RILPL1: variants seen among roughly 807,000 people sequenced by gnomAD.
The protein encoded by RILPL1 is Rab interacting lysosomal protein like 1.
RILPL1 carries 33 observed loss-of-function variants against 50.3 expected under a neutral mutation model. The ratio of observed to expected loss-of-function variants is 0.66; its 90% CI spans 0.50 to 0.88. The LOEUF is 0.88. Ranked by LOEUF, RILPL1 falls within the 40% of genes least tolerant of loss-of-function variation. RILPL1 has a pLI of 0.00. For missense variants in RILPL1, 418 were observed against 542.5 expected, an observed-to-expected ratio of 0.77 and a Z score of 2.28; for synonymous variants, 205 against 228.6, an observed-to-expected ratio of 0.90 and a Z score of 0.93.
At chr12:123,504,327 C>G (rs763217484) in intron 2 of RILPL1, among the ~76,000 whole-genome samples, 2 of 152,114 alleles carry the variant, frequency 1.3e-5, no homozygotes, top group Non-Finnish European at 2.9e-5. Flanking sequence ...GACTTTCCCC[C>G]CCGGGTGCGC....
At chr12:123,531,332 A>G (rs1454653087) in intron 1 of RILPL1, among the ~76,000 whole-genome samples, 1 of 152,178 alleles carries the variant, frequency 6.6e-6, no homozygotes, top group African/African-American at 2.4e-5. Context: ...ATGTGACTTC[A>G]GACCTGGTGG....
intron 2 of RILPL1, among the ~76,000 whole-genome samples, chr12:123,502,770 C>A (rs1013758616): frequency 6.6e-6 from 1 of 152,230 alleles, no homozygotes; most frequent in Admixed American, 6.5e-5. Context: ...ATTGTGGTAT[C>A]CTAACACATC....
chr12:123,503,321 C>T (rs1212014950), intron 2 of RILPL1, among the ~76,000 whole-genome samples: 3 of 150,952 alleles, frequency 2.0e-5, no homozygotes, highest in African/African-American at 7.3e-5. Flanking sequence ...CTGCCTCAGC[C>T]TCCCAAGTAT....
chr12:123,521,652 CACATATATGTATATATAT>C (rs1885047047), intron 2 of RILPL1, among the ~76,000 whole-genome samples: 1 of 5,716 alleles, frequency 1.7e-4, no homozygotes. Flanking sequence ...TATATATATA[CACATATATGTATATATAT>C]AAATATATAT....
At chr12:123,518,103 G>T (rs938999224) in intron 2 of RILPL1, among the ~76,000 whole-genome samples, 4 of 152,146 alleles carry the variant, frequency 2.6e-5, no homozygotes, top group African/African-American at 9.7e-5. Flanking sequence ...GTTTAATGGG[G>T]ACAGTGTTTC....
chr12:123,523,595 G>A lies in RILPL1; in HGVS notation c.360C>T (p.Leu120=), dbSNP rs759216391. 1 of 1,613,990 alleles carries A rather than the reference G, an allele frequency of 6.2e-7. No homozygotes were observed. The highest frequency in any genetic ancestry group is 1.7e-5 in the Admixed American group (1 of 60,022). Reference sequence around the variant, plus strand: ...CCTCCTGCAGCTGGGCGATCTGGGAGAGGAGGTCCTGCGCCTCCCCTCGCC... The same window carrying A: ...CCTCCTGCAGCTGGGCGATCTGGGAAAGGAGGTCCTGCGCCTCCCCTCGCC... ...DVWRGEAQDL[L]SQIAQLQEEN... Residue 120 remains leucine, a synonymous_variant, in exon 2 of 7, where the codon CTC becomes CTT. Transcript: ENST00000376874.
intron 6 of RILPL1, among the ~76,000 whole-genome samples, chr12:123,476,784 T>C (rs1467327075): frequency 6.6e-6 from 1 of 152,210 alleles, no homozygotes; most frequent in Non-Finnish European, 1.5e-5. Flanking sequence ...TTGAAGCCCC[T>C]GAGTCTGCAG....
At chr12:123,531,286 T>A (rs7131874) in intron 1 of RILPL1, among the ~76,000 whole-genome samples, 4 of 152,132 alleles carry the variant, frequency 2.6e-5, no homozygotes, top group African/African-American at 2.4e-5. Flanking sequence ...AGCTGAACAC[T>A]TTCCAGAGGC....
chr12:123,473,035 C>T (rs901562949), intron 6 of RILPL1: 15 of 223,248 alleles, frequency 6.7e-5, no homozygotes, highest in African/African-American at 2.5e-4. Flanking sequence ...ACCCTAATGA[C>T]GCAGAGAAAG....
At chr12:123,496,404 C>T (rs1316390786) in intron 4 of RILPL1, among the ~76,000 whole-genome samples, 6 of 152,114 alleles carry the variant, frequency 3.9e-5, no homozygotes, top group Non-Finnish European at 8.8e-5. Context: ...AAGTAACTAC[C>T]AAATTCACAG....
rs192489585 is a variant in RILPL1 at position 123,498,268 on chromosome 12, C to T, written c.801+276G>A. Among the ~76,000 whole-genome samples, 75 of 151,884 alleles carry T rather than the reference C, an allele frequency of 4.9e-4. No homozygotes were observed. The highest frequency in any genetic ancestry group is 9.2e-4 in the Admixed American group (14 of 15,224). On this transcript the variant is annotated intron_variant, in intron 4 of 6. Coordinates refer to ENST00000376874, the MANE Select transcript of RILPL1 (RefSeq NM_178314.5). This position sits in a 1 kb window ranked among gnomAD's most constrained non-coding sequence, Gnocchi z 4.3. ...TCTGGCTCTGTTACCCAGGCTGCAGCGCAGTTGTGCAATCATGGCTCATTG... is the reference window on the plus strand; with the variant it reads ...TCTGGCTCTGTTACCCAGGCTGCAGTGCAGTTGTGCAATCATGGCTCATTG...
At chr12:123,488,247 C>T (rs1168013359) in intron 4 of RILPL1, among the ~76,000 whole-genome samples, 2 of 151,660 alleles carry the variant, frequency 1.3e-5, no homozygotes, top group South Asian at 2.1e-4. Context: ...CAGACCAGCC[C>T]GGGCAACATA....
In RILPL1 at chr12:123,498,177, G is replaced by C. The variant is rs1255819330; in HGVS notation, c.801+367C>G. ...CCCTCAGCTGTGTGTCCTCAGGCCA[G>C]TAGCTTGTTCTCTCTGAGCCTCTCG... is the stretch of plus-strand genomic sequence containing the variant. On this transcript the variant is annotated intron_variant, in intron 4 of 6. Coordinates refer to ENST00000376874, the MANE Select transcript of RILPL1 (RefSeq NM_178314.5). The surrounding 1 kb of genome is among the most constrained non-coding windows in gnomAD (Gnocchi z 4.3). Among the ~76,000 whole-genome samples, 1 of 152,070 alleles carries C rather than the reference G, an allele frequency of 6.6e-6. No homozygotes were observed. Among genetic ancestry groups the C allele is most frequent in the African/African-American group, 2.4e-5 (1 of 41,418 alleles).
intron 2 of RILPL1, chr12:123,513,609 G>C (rs1195788018): frequency 1.2e-5 from 2 of 163,958 alleles, no homozygotes; most frequent in Non-Finnish European, 2.7e-5. Context: ...TCGATGTGAA[G>C]TGCTCACAAC....
intron 4 of RILPL1, among the ~76,000 whole-genome samples, chr12:123,493,555 G>A (rs1882833785): frequency 6.6e-6 from 1 of 152,086 alleles, no homozygotes; most frequent in South Asian, 2.1e-4. Flanking sequence ...CAGGTGTGGA[G>A]GGGCAACCCA....
Position 123,491,967 on chromosome 12 carries a change from A to T in RILPL1, c.802-6162T>A, listed in dbSNP as rs995040991. On this transcript the variant is annotated intron_variant, in intron 4 of 6. Transcript: ENST00000376874. This position sits in a 1 kb window ranked among gnomAD's most constrained non-coding sequence, Gnocchi z 4.0. Reference sequence around the variant, plus strand: ...GGTTGTGGTGAGCCAAGATCGTGCCATTGCACTCCAGCCTGGGTGATGGAG... The same window carrying T: ...GGTTGTGGTGAGCCAAGATCGTGCCTTTGCACTCCAGCCTGGGTGATGGAG... Among the ~76,000 whole-genome samples, 3 of 152,014 alleles carry T rather than the reference A, an allele frequency of 2.0e-5. No homozygotes were observed. Among genetic ancestry groups the T allele is most frequent in the Non-Finnish European group, 4.4e-5 (3 of 68,020 alleles).
chr12:123,478,691 C>T (rs575447957), intron 6 of RILPL1, among the ~76,000 whole-genome samples: 1 of 152,330 alleles, frequency 6.6e-6, no homozygotes, highest in African/African-American at 2.4e-5. Context: ...GGCCAGTTCT[C>T]ATCCCCTGCT....
At position 123,500,965 on chromosome 12, in the gene RILPL1, G is replaced by A. The variant is rs1417614665; in HGVS notation, c.461-1429C>T. Among the ~76,000 whole-genome samples, 11 of 151,820 alleles carry A rather than the reference G, an allele frequency of 7.2e-5. No homozygotes were observed. The East Asian group carries it at 1.2e-3, about 16-fold the overall frequency. On this transcript the variant is annotated intron_variant, in intron 2 of 6. Coordinates refer to ENST00000376874, the MANE Select transcript of RILPL1 (RefSeq NM_178314.5). ...TAAAAATACAAAAAAAAAATTAGCCGGCTATGGTGGCGGGCACCTGTAATC... is the reference window on the plus strand; with the variant it reads ...TAAAAATACAAAAAAAAAATTAGCCAGCTATGGTGGCGGGCACCTGTAATC...
intron 1 of RILPL1, among the ~76,000 whole-genome samples, chr12:123,524,906 C>A (rs931966735): frequency 2.6e-5 from 4 of 151,966 alleles, no homozygotes; most frequent in African/African-American, 9.7e-5. Context: ...CCAAGGCAGG[C>A]GGATCACTTG....
Sources: gnomAD v4.1 joint callset for allele counts (sites outside exome capture counted in the v4.1 genomes callset) on GRCh38, gnomAD v4.1.1 for gene constraint, Gnocchi (gnomAD v3.1) non-coding constraint, MANE v1.5 for transcripts, NCBI Gene and HGNC (gene_info 2026-07-23, HGNC 2026-07-21) for gene names.